PTPRJ: variants seen among roughly 807,000 people sequenced by gnomAD.
PTPRJ encodes receptor-type tyrosine-protein phosphatase eta.
PTPRJ carries 129 observed loss-of-function variants against 141.3 expected under a neutral mutation model. That is an observed-to-expected ratio of 0.91 (90% confidence interval 0.79 to 1.06). The LOEUF (loss-of-function observed/expected upper bound fraction) is 1.06, where lower values mean the gene tolerates loss of function less well. Ranked by LOEUF, PTPRJ falls within the 50% of genes least tolerant of loss-of-function variation. The pLI is 0.00. For missense variants in PTPRJ, 1,601 were observed against 1,679.7 expected (o/e 0.95, Z 0.82); for synonymous variants, 610 against 640.5 (o/e 0.95, Z 0.72).
At chr11:48,116,053 A>G (rs4584536) in intron 3 of PTPRJ, among the ~76,000 whole-genome samples, 3,141 of 152,234 alleles carry the variant, frequency 0.021, 108 homozygotes, top group African/African-American at 0.071. Context: ...TGGCAGTAGT[A>G]AGTTCTTACC....
intron 1 of PTPRJ, among the ~76,000 whole-genome samples, chr11:48,089,309 G>A (rs948264275): frequency 1.3e-5 from 2 of 152,152 alleles, no homozygotes. Flanking sequence ...TTGAGACCAA[G>A]AGTTTGAGAC....
intron 1 of PTPRJ, among the ~76,000 whole-genome samples, chr11:48,053,238 A>T (rs865786487): frequency 8.1e-4 from 72 of 88,562 alleles, no homozygotes; most frequent in African/African-American, 3.2e-3. Context: ...ATTATATATA[A>T]TATATTTATA....
At chr11:48,104,144 G>C (rs1245808363) in intron 1 of PTPRJ, among the ~76,000 whole-genome samples, 1 of 152,190 alleles carries the variant, frequency 6.6e-6, no homozygotes, top group Non-Finnish European at 1.5e-5. Flanking sequence ...TGTTCACTGT[G>C]CTGCCTGCTG....
intron 1 of PTPRJ, among the ~76,000 whole-genome samples, chr11:48,036,998 G>A (rs963076194): frequency 2.6e-5 from 4 of 152,186 alleles, no homozygotes; most frequent in African/African-American, 9.7e-5. Context: ...TACCTGACAT[G>A]AGCACACGTT....
At chr11:48,131,070 ATTTTTTTTTTTTTTT>A (rs71045547) in intron 8 of PTPRJ, among the ~76,000 whole-genome samples, 4 of 46,568 alleles carry the variant, frequency 8.6e-5, no homozygotes, top group Non-Finnish European at 1.6e-4. Context: ...ATATATATAT[ATTTTTTTTTTTTTTT>A]TTTTTTTTTT....
Position 48,130,659 on chromosome 11 carries a change from G to C in PTPRJ, c.1558G>C (p.Val520Leu), listed in dbSNP as rs1856955251. The stretch of plus-strand genomic sequence containing the variant: ...TGGAACCAAGTATTGCTTTGAAATA[G>C]TTCCAAAAGGACCAAATGGGACTGA... ...FPGTKYCFEI[V>L]PKGPNGTEGA... is the part of the protein sequence containing the mutation. The change falls in exon 8 of 25, where the codon GTT becomes CTT. Residue 520 changes from valine to leucine, a missense_variant. Transcript: ENST00000418331. The C allele has an allele frequency of 1.9e-6, 3 of 1,614,080 alleles. No individual in the cohort carries two copies. Among genetic ancestry groups the C allele is most frequent in the Non-Finnish European group, 2.5e-6 (3 of 1,179,960 alleles).
chr11:48,141,941 T>G (rs1857240223), intron 11 of PTPRJ, among the ~76,000 whole-genome samples: 1 of 151,696 alleles, frequency 6.6e-6, no homozygotes. Flanking sequence ...CCAATGTGTT[T>G]TTTTTTTTTT....
At chr11:48,037,538 G>A (rs1223872561) in intron 1 of PTPRJ, among the ~76,000 whole-genome samples, 1 of 152,180 alleles carries the variant, frequency 6.6e-6, no homozygotes, top group African/African-American at 2.4e-5. Context: ...ACGGCCAGGC[G>A]CGGTGGCTCA....
At chr11:48,053,351 TA>T (rs1195770077) in intron 1 of PTPRJ, among the ~76,000 whole-genome samples, 1 of 94,944 alleles carries the variant, frequency 1.1e-5, no homozygotes, top group Non-Finnish European at 1.9e-5. Context: ...ATATTATATA[TA>T]AATATATAAA....
At chr11:48,032,223 A>C (rs1275062057) in intron 1 of PTPRJ, among the ~76,000 whole-genome samples, 4 of 152,016 alleles carry the variant, frequency 2.6e-5, no homozygotes, top group Non-Finnish European at 5.9e-5. Flanking sequence ...TTTTTGTGAA[A>C]TGCTCATCCC....
chr11:48,165,480 C>T (rs1857896376), intron 24 of PTPRJ, among the ~76,000 whole-genome samples: 1 of 152,326 alleles, frequency 6.6e-6, no homozygotes, highest in East Asian at 1.9e-4. Flanking sequence ...TTGCTTTCCT[C>T]AAAGGGGTGA....
chr11:48,145,992 T>C (rs894577852), intron 14 of PTPRJ, among the ~76,000 whole-genome samples: 2 of 152,074 alleles, frequency 1.3e-5, no homozygotes, highest in Admixed American at 1.3e-4. Flanking sequence ...GGGACCACAG[T>C]TGCTTACCAC....
chr11:48,162,614 G>A (rs1383606051), intron 22 of PTPRJ, among the ~76,000 whole-genome samples: 2 of 152,190 alleles, frequency 1.3e-5, no homozygotes. Context: ...AAAAATGAGT[G>A]TCAAAGGGCA....
rs528924300 is a variant in PTPRJ at position 48,109,934 on chromosome 11, C to T, written c.97-124C>T. On this transcript the variant is annotated intron_variant, in intron 1 of 24. Transcript: ENST00000418331. Reference sequence around the variant, plus strand: ...AGACGGCCTAACCCTGACCAGCAGACCTTTGCTTAATGTGCTTCTTACCAC... The same window carrying T: ...AGACGGCCTAACCCTGACCAGCAGATCTTTGCTTAATGTGCTTCTTACCAC... 6 of 1,075,802 alleles carry T rather than the reference C, an allele frequency of 5.6e-6. No individual in the cohort carries two copies. The East Asian group carries it at 1.4e-4, about 25-fold the overall frequency. 66.6% of individuals were successfully genotyped at this position (1,075,802 alleles called of 1,614,324 possible).
intron 1 of PTPRJ, among the ~76,000 whole-genome samples, chr11:48,026,301 A>G (rs1358298213): frequency 1.3e-5 from 2 of 152,162 alleles, no homozygotes; most frequent in African/African-American, 2.4e-5. Context: ...GGTCTTTGGT[A>G]AGCCTGGGAA....
intron 1 of PTPRJ, among the ~76,000 whole-genome samples, chr11:48,024,387 AG>A (rs1397940516): frequency 8.1e-4 from 124 of 152,198 alleles, no homozygotes; most frequent in African/African-American, 2.9e-3. Flanking sequence ...TACTACAGGC[AG>A]GGTTTCACCA....
At chr11:48,037,881 T>G (rs1288559992) in intron 1 of PTPRJ, among the ~76,000 whole-genome samples, 2 of 151,994 alleles carry the variant, frequency 1.3e-5, no homozygotes, top group African/African-American at 4.8e-5. Context: ...ACCCCATACC[T>G]GCCATCTCCT....
At chr11:48,141,247 A>T (rs1210853890) in intron 11 of PTPRJ, among the ~76,000 whole-genome samples, 1 of 152,134 alleles carries the variant, frequency 6.6e-6, no homozygotes, top group Non-Finnish European at 1.5e-5. Flanking sequence ...AGGTAGAGAG[A>T]GAGAGTGTGT....
At chr11:47,981,066 C>G in intron 1 of PTPRJ, 58 bp downstream of exon 1, 1 of 1,200,732 alleles carries the variant, frequency 8.3e-7, no homozygotes, top group Non-Finnish European at 1.0e-6. Context: ...CTGGCATTGA[C>G]TGCACCTGCC....
Sources: allele counts gnomAD v4.1 joint callset (sites outside exome capture counted in the v4.1 genomes callset), GRCh38; gene constraint gnomAD v4.1.1; transcripts MANE v1.5; gene names NCBI Gene and HGNC (gene_info 2026-07-23, HGNC 2026-07-21).